Variants in GAN observed in about 807,000 individuals in gnomAD.
GAN encodes the protein gigaxonin.
In GAN, 48 loss-of-function variants were observed where a neutral mutation model predicts 71.3. The observed-to-expected ratio is 0.67, with a 90% CI of 0.53 to 0.86. The LOEUF (loss-of-function observed/expected upper bound fraction) is 0.86. Among genes scored for constraint, GAN ranks in the 40% least tolerant of loss-of-function variants. The probability of loss-of-function intolerance (pLI) is 0.00; values close to 1 mark genes in which losing one functional copy is unlikely to be tolerated. For missense variants in GAN, 928 were observed against 770.1 expected, an observed-to-expected ratio of 1.21 and a Z score of -2.43; for synonymous variants, 386 against 276.8, an observed-to-expected ratio of 1.39 and a Z score of -3.92.
intron 1 of GAN, among the ~76,000 whole-genome samples, chr16:81,329,371 T>C (rs913258591): frequency 2.6e-5 from 4 of 152,142 alleles, no homozygotes; most frequent in African/African-American, 7.2e-5. Flanking sequence ...TGTGGCCAAA[T>C]AAACTCTCTA....
At position 81,383,226 on chromosome 16, in the gene GAN, A is replaced by ATGACTGTT. The variant is rs1904315923; in HGVS notation, c.*5631_*5638dup. The ATGACTGTT allele has an allele frequency of 6.7e-6, 1 of 148,404 alleles. No individual in the cohort carries two copies. The highest frequency in any genetic ancestry group is 1.5e-5 in the Non-Finnish European group (1 of 67,364). 9.2% of individuals were successfully genotyped at this position (148,404 alleles called of 1,614,324 possible). On this transcript the variant is annotated 3_prime_UTR_variant, in exon 11 of 11. Coordinates refer to ENST00000648994, the MANE Select transcript of GAN (RefSeq NM_022041.4). ...ACATTATATAATTATTTAGTCAGAA[A>ATGACTGTT]TGACTGTTGCCCTCTCTTTTTTTTT...
At chr16:81,347,269 G>A (rs1032277605) in intron 1 of GAN, among the ~76,000 whole-genome samples, 3 of 152,166 alleles carry the variant, frequency 2.0e-5, no homozygotes, top group East Asian at 3.8e-4. Flanking sequence ...GAAACTGTAC[G>A]GGCAGGAATA....
chr16:81,334,552 C>T (rs1241695156), intron 1 of GAN, among the ~76,000 whole-genome samples: 1 of 152,218 alleles, frequency 6.6e-6, no homozygotes, highest in Non-Finnish European at 1.5e-5. Context: ...AAGCCTCCTC[C>T]TGTGGCCAGC....
At chr16:81,319,279 A>C (rs1909149623) in intron 1 of GAN, among the ~76,000 whole-genome samples, 1 of 151,508 alleles carries the variant, frequency 6.6e-6, no homozygotes, top group African/African-American at 2.4e-5. Context: ...AAGCACCCAC[A>C]GAGCCTTTTC....
intron 9 of GAN, 102 bp from the exon 10 acceptor site, chr16:81,377,117 C>T: frequency 1.2e-6 from 1 of 805,346 alleles, no homozygotes; most frequent in Non-Finnish European, 2.3e-6. Context: ...GGCACAGTGC[C>T]TGATACTGCT....
rs193088937 is a variant in GAN at position 81,353,178 on chromosome 16, C to G, written c.283-1227C>G. Among the ~76,000 whole-genome samples, 657 of 151,428 alleles carry G rather than the reference C, an allele frequency of 4.3e-3. 2 individuals carry two copies. The highest frequency in any genetic ancestry group is 0.015 in the African/African-American group (629 of 41,084). On this transcript the variant is annotated intron_variant, in intron 2 of 10. Coordinates refer to ENST00000648994, the MANE Select transcript of GAN (RefSeq NM_022041.4). Reference sequence around the variant, plus strand: ...AGGTGGCGGGCGCCTGTAGTCCCGGCTACTCGGGAGGCTGAGGCAGGAGAA... The same window carrying G: ...AGGTGGCGGGCGCCTGTAGTCCCGGGTACTCGGGAGGCTGAGGCAGGAGAA...
chr16:81,354,893 C>T, intron 3 of GAN, 138 bp downstream of exon 3: 1 of 638,044 alleles, frequency 1.6e-6, no homozygotes, highest in South Asian at 1.9e-5. Flanking sequence ...ACATGTTCCC[C>T]TATATCATGA....
Position 81,336,571 on chromosome 16 carries a change from C to G in GAN, c.168-15012C>G, listed in dbSNP as rs374295644. ...CTCGACCTACTGGGCTCAAGCGATC[C>G]TCCCACCTCAGCCTCTTAATTAGCT... On this transcript the variant is annotated intron_variant, in intron 1 of 10. Transcript: ENST00000648994. 3.3e-5 allele frequency among the ~76,000 whole-genome samples: 5 copies of G among 152,172 alleles called. No individual in the cohort carries two copies. In the East Asian group the frequency reaches 5.8e-4, roughly 18 times the overall value.
At chr16:81,346,498 T>C (rs1910123285) in intron 1 of GAN, among the ~76,000 whole-genome samples, 1 of 152,158 alleles carries the variant, frequency 6.6e-6, no homozygotes. Flanking sequence ...GGCATTAGAT[T>C]CTCATAGGAG....
intron 1 of GAN, among the ~76,000 whole-genome samples, chr16:81,324,002 T>G (rs1909299747): frequency 6.6e-6 from 1 of 152,236 alleles, no homozygotes; most frequent in Non-Finnish European, 1.5e-5. Context: ...CTTAGTTTTT[T>G]TATAACATCC....
At position 81,357,698 on chromosome 16, in the gene GAN, G is replaced by C. The variant is rs185432953; in HGVS notation, c.852-112G>C. The C allele has an allele frequency of 1.0e-5, 11 of 1,062,748 alleles. No individual in the cohort carries two copies. In the Admixed American group the frequency reaches 1.7e-4, roughly 17 times the overall value. 65.8% of individuals were successfully genotyped at this position (1,062,748 alleles called of 1,614,324 possible). A position where few individuals can be genotyped will look rare whatever the true frequency, so the allele number is the denominator to read the frequency against. ...AATCGTCACACTGACTTCCACAAGG[G>C]TTTTTAAAAAATGTTTTAAATATTC... On this transcript the variant is annotated intron_variant, in intron 4 of 10. Coordinates refer to ENST00000648994, the MANE Select transcript of GAN (RefSeq NM_022041.4).
At chr16:81,369,260 A>C (rs1449479670) in intron 9 of GAN, among the ~76,000 whole-genome samples, 1 of 152,202 alleles carries the variant, frequency 6.6e-6, no homozygotes. Flanking sequence ...CACCATGACA[A>C]CAAGGGCTAA....
At chr16:81,341,686 A>G (rs1425116366) in intron 1 of GAN, among the ~76,000 whole-genome samples, 2 of 152,204 alleles carry the variant, frequency 1.3e-5, no homozygotes, top group African/African-American at 2.4e-5. Flanking sequence ...AACATGCCAA[A>G]TTGTAAAGAC....
At chr16:81,357,551 G>A (rs147939587) in intron 4 of GAN, among the ~76,000 whole-genome samples, 3 of 152,096 alleles carry the variant, frequency 2.0e-5, no homozygotes, top group East Asian at 1.9e-4. Flanking sequence ...ATTGTGAATA[G>A]TGCCGCAATA....
intron 9 of GAN, among the ~76,000 whole-genome samples, chr16:81,374,715 T>C (rs1488726395): frequency 1.3e-5 from 2 of 152,218 alleles, no homozygotes; most frequent in Non-Finnish European, 2.9e-5. Flanking sequence ...CATCCTTTTT[T>C]AAGCACTTCC....
chr16:81,321,598 T>C (rs899099084), intron 1 of GAN, among the ~76,000 whole-genome samples: 6 of 152,224 alleles, frequency 3.9e-5, no homozygotes, highest in African/African-American at 1.4e-4. Flanking sequence ...TGAGTTCTTA[T>C]GATATCAAAG....
chr16:81,353,349 G>T (rs1236377718), intron 2 of GAN, among the ~76,000 whole-genome samples: 1 of 151,808 alleles, frequency 6.6e-6, no homozygotes, highest in African/African-American at 2.4e-5. Flanking sequence ...TGAATTGGCA[G>T]TTTTGTTTTA....
At chr16:81,328,335 C>G (rs1460506927) in intron 1 of GAN, among the ~76,000 whole-genome samples, 6 of 152,326 alleles carry the variant, frequency 3.9e-5, no homozygotes, top group African/African-American at 1.4e-4. Flanking sequence ...TCACATCTCT[C>G]TCGTATCTCA....
chr16:81,343,449 A>C (rs1163179228), intron 1 of GAN, among the ~76,000 whole-genome samples: 2 of 152,238 alleles, frequency 1.3e-5, no homozygotes, highest in African/African-American at 2.4e-5. Context: ...CCTGGGATGC[A>C]AGGCTGGTTC....
Sources: gnomAD v4.1 joint callset for allele counts (sites outside exome capture counted in the v4.1 genomes callset) on GRCh38, gnomAD v4.1.1 for gene constraint, MANE v1.5 for transcripts, NCBI Gene and HGNC (gene_info 2026-07-23, HGNC 2026-07-21) for gene names.